The following PTPN3 variants were observed in gnomAD, a reference collection of about 807,000 sequenced individuals.
PTPN3 encodes protein tyrosine phosphatase non-receptor type 3, also known as tyrosine-protein phosphatase non-receptor type 3.
PTPN3 carries 96 observed loss-of-function variants against 132.7 expected under a neutral mutation model. The ratio of observed to expected loss-of-function variants is 0.72; its 90% CI spans 0.61 to 0.86. The LOEUF is 0.86. PTPN3 is among the 40% of genes least tolerant of loss of function. PTPN3 has a pLI of 0.00. For missense variants in PTPN3, 1,125 were observed against 1,159.6 expected, an observed-to-expected ratio of 0.97 and a Z score of 0.43; for synonymous variants, 398 against 429.0, an observed-to-expected ratio of 0.93 and a Z score of 0.89.
chr9:109,511,885 G>A, the PTPN3 span, among the ~76,000 whole-genome samples: 1 of 152,196 alleles, frequency 6.6e-6, no homozygotes, highest in Non-Finnish European at 1.5e-5. Flanking sequence ...CTTTAGGGGA[G>A]AGACATTGTT....
chr9:109,519,276 G>C, the PTPN3 span, among the ~76,000 whole-genome samples: 1 of 152,222 alleles, frequency 6.6e-6, no homozygotes, highest in Non-Finnish European at 1.5e-5. Flanking sequence ...ACATCAATAA[G>C]AGATACCAAT....
intron 14 of PTPN3, among the ~76,000 whole-genome samples, chr9:109,412,372 T>G (rs1399255870): frequency 1.3e-5 from 2 of 148,186 alleles, no homozygotes; most frequent in Admixed American, 6.7e-5. Flanking sequence ...GTCCAACTAA[T>G]TTTAATTTTT....
intron 1 of PTPN3, among the ~76,000 whole-genome samples, chr9:109,490,034 T>C (rs1847385889): frequency 6.6e-6 from 1 of 151,536 alleles, no homozygotes; most frequent in Non-Finnish European, 1.5e-5. Context: ...ATACAAAAAA[T>C]TAGCTGGGCG....
At chr9:109,534,632 C>CAAAAAAAAAAAAAAA in the PTPN3 span, among the ~76,000 whole-genome samples, 3 of 108,746 alleles carry the variant, frequency 2.8e-5, no homozygotes, top group Non-Finnish European at 5.3e-5. Context: ...CAAAAAAATA[C>CAAAAAAAAAAAAAAA]AAAAAAAAAA....
intron 22 of PTPN3, among the ~76,000 whole-genome samples, chr9:109,386,863 G>A (rs1283876632): frequency 6.6e-6 from 1 of 152,224 alleles, no homozygotes; most frequent in African/African-American, 2.4e-5. Flanking sequence ...ACAAGACGGG[G>A]GCTGGGGGAG....
At chr9:109,533,890 G>A in the PTPN3 span, 2 of 758,894 alleles carry the variant, frequency 2.6e-6, no homozygotes, top group African/African-American at 1.7e-5. Context: ...GACGTGGATA[G>A]CATCTATAAG....
intron 23 of PTPN3, 174 bp downstream of exon 23, chr9:109,383,249 C>T: frequency 8.8e-7 from 1 of 1,130,300 alleles, no homozygotes. Flanking sequence ...CCTGTTGTGA[C>T]TAGGGCCACT....
At chr9:109,455,055 TTGCC>T (rs1845490398) in intron 4 of PTPN3, among the ~76,000 whole-genome samples, 1 of 152,216 alleles carries the variant, frequency 6.6e-6, no homozygotes, top group African/African-American at 2.4e-5. Flanking sequence ...TAGAGGTGAC[TTGCC>T]TTAGGTCACA....
chr9:109,517,007 G>C, the PTPN3 span, among the ~76,000 whole-genome samples: 2 of 152,196 alleles, frequency 1.3e-5, no homozygotes, highest in South Asian at 2.1e-4. Flanking sequence ...ATATTCCGTA[G>C]GCAGCTGAAT....
At chr9:109,446,805 C>T (rs140635811) in intron 6 of PTPN3, among the ~76,000 whole-genome samples, 99 of 152,292 alleles carry the variant, frequency 6.5e-4, no homozygotes, top group African/African-American at 1.9e-3. Flanking sequence ...TCAACTTGGC[C>T]GCATGTTCCT....
intron 4 of PTPN3, among the ~76,000 whole-genome samples, chr9:109,456,530 G>A (rs911463848): frequency 6.6e-6 from 1 of 152,210 alleles, no homozygotes; most frequent in Admixed American, 6.5e-5. Flanking sequence ...CTGAGGGGAG[G>A]CACTGGGAGG....
intron 19 of PTPN3, among the ~76,000 whole-genome samples, chr9:109,398,891 A>G (rs1840817011): frequency 6.6e-6 from 1 of 152,180 alleles, no homozygotes; most frequent in African/African-American, 2.4e-5. Flanking sequence ...TTTTCTTAGG[A>G]ACAAACAAAA....
intron 14 of PTPN3, among the ~76,000 whole-genome samples, chr9:109,417,199 C>A (rs1046778166): frequency 6.6e-6 from 1 of 152,224 alleles, no homozygotes; most frequent in African/African-American, 2.4e-5. Flanking sequence ...TAACTATAAT[C>A]ATAAACTTTG....
chr9:109,461,959 C>A (rs1380000652), intron 2 of PTPN3, among the ~76,000 whole-genome samples: 1 of 152,104 alleles, frequency 6.6e-6, no homozygotes, highest in Non-Finnish European at 1.5e-5. Flanking sequence ...CGTTGTAGCC[C>A]CTCTAATTAG....
chr9:109,448,230 G>T (rs1844991051), intron 6 of PTPN3, among the ~76,000 whole-genome samples: 1 of 152,176 alleles, frequency 6.6e-6, no homozygotes, highest in South Asian at 2.1e-4. Context: ...ACTCACAGGG[G>T]TTGGGGGTGC....
At chr9:109,407,944 G>A (rs532336819) in intron 17 of PTPN3, among the ~76,000 whole-genome samples, 1 of 152,344 alleles carries the variant, frequency 6.6e-6, no homozygotes, top group South Asian at 2.1e-4. Context: ...GAAAGATGGT[G>A]AGAAGAGGCA....
the PTPN3 span, chr9:109,511,454 T>C: frequency 6.5e-6 from 1 of 153,550 alleles, no homozygotes; most frequent in Admixed American, 6.5e-5. Flanking sequence ...AGCATGGCCA[T>C]AGGACTTCGT....
chr9:109,435,753 CAATT>C (rs1844000783), intron 9 of PTPN3, among the ~76,000 whole-genome samples: 1 of 152,054 alleles, frequency 6.6e-6, no homozygotes, highest in Admixed American at 6.6e-5. Flanking sequence ...ACTTCACCGA[CAATT>C]AAAGTTCTCT....
intron 9 of PTPN3, among the ~76,000 whole-genome samples, chr9:109,436,163 T>C (rs976900603): frequency 1.1e-4 from 17 of 152,200 alleles, no homozygotes; most frequent in Admixed American, 6.5e-5. Flanking sequence ...TCCTTTTGGA[T>C]ATGATGTGGA....
Sources: gnomAD v4.1 joint callset for allele counts (sites outside exome capture counted in the v4.1 genomes callset) on GRCh38, gnomAD v4.1.1 for gene constraint, MANE v1.5 for transcripts, NCBI Gene and HGNC (gene_info 2026-07-23, HGNC 2026-07-21) for gene names.